Variants in MCTP1 observed in about 807,000 individuals in gnomAD.
MCTP1 encodes the protein multiple C2 and transmembrane domain containing 1, also known as multiple C2 and transmembrane domain-containing protein 1.
Under a neutral mutation model 120.6 loss-of-function variants are expected in MCTP1, and 69 were observed. The observed-to-expected ratio is 0.57, with a 90% confidence interval of 0.47 to 0.70. MCTP1 has a LOEUF of 0.70. Ranked by LOEUF, MCTP1 falls within the 30% of genes least tolerant of loss-of-function variation. MCTP1 has a pLI of 0.00. For missense variants in MCTP1, 1,203 were observed against 1,248.8 expected (o/e 0.96, Z 0.55); for synonymous variants, 529 against 493.1 (o/e 1.07, Z -0.96).
At chr5:95,203,647 A>G (rs1489270400) in intron 1 of MCTP1, among the ~76,000 whole-genome samples, 1 of 152,232 alleles carries the variant, frequency 6.6e-6, no homozygotes, top group East Asian at 1.9e-4. Context: ...ATGAATTCAT[A>G]AGTTAGTAAG....
At chr5:94,960,270 C>G (rs904079895) in intron 2 of MCTP1, among the ~76,000 whole-genome samples, 1 of 152,136 alleles carries the variant, frequency 6.6e-6, no homozygotes, top group Non-Finnish European at 1.5e-5. Flanking sequence ...AAAATTAACT[C>G]AGGATGGATG....
intron 19 of MCTP1, among the ~76,000 whole-genome samples, chr5:94,745,310 T>G (rs1358363989): frequency 6.6e-6 from 1 of 152,228 alleles, no homozygotes; most frequent in Non-Finnish European, 1.5e-5. Context: ...GAGTGTGCTC[T>G]TTGGTGCAAG....
intron 19 of MCTP1, among the ~76,000 whole-genome samples, chr5:94,750,979 G>A (rs922613323): frequency 3.3e-5 from 5 of 152,172 alleles, no homozygotes; most frequent in Non-Finnish European, 5.9e-5. Flanking sequence ...AACCTGGGCA[G>A]GATTCCTTTG....
At chr5:95,031,934 G>C (rs1840377881) in intron 1 of MCTP1, among the ~76,000 whole-genome samples, 1 of 151,998 alleles carries the variant, frequency 6.6e-6, no homozygotes, top group African/African-American at 2.4e-5. Flanking sequence ...AAAGAACTGT[G>C]GTTGCTATTC....
intron 19 of MCTP1, among the ~76,000 whole-genome samples, chr5:94,773,336 C>T (rs1243372614): frequency 6.6e-6 from 1 of 152,036 alleles, no homozygotes; most frequent in African/African-American, 2.4e-5. Context: ...GGCTGGTTTT[C>T]CTCATTTGTT....
At chr5:95,199,628 C>T (rs539339505) in intron 1 of MCTP1, among the ~76,000 whole-genome samples, 5 of 151,046 alleles carry the variant, frequency 3.3e-5, no homozygotes, top group East Asian at 2.0e-4. Flanking sequence ...GGGTTTGAGG[C>T]GGGTGGATCA....
chr5:95,271,747 A>C (rs456777), intron 1 of MCTP1, among the ~76,000 whole-genome samples: 1 of 151,252 alleles, frequency 6.6e-6, no homozygotes, highest in South Asian at 2.1e-4. Flanking sequence ...GTTATAATTA[A>C]TTACAAAACA....
intron 19 of MCTP1, among the ~76,000 whole-genome samples, chr5:94,765,946 T>G (rs1772580876): frequency 6.6e-6 from 1 of 151,834 alleles, no homozygotes; most frequent in South Asian, 2.1e-4. Context: ...TACTAACAAA[T>G]TAGAAAACCT....
rs1406133895 is a variant in MCTP1 at position 95,081,329 on chromosome 5, G to A, written c.721-63845C>T. ...TCTCAAATGCAACCTTCAATACCCC[G>A]TGAGAAGGCATTTTTCTAAGGAACA... On this transcript the variant is annotated intron_variant, in intron 1 of 22. Coordinates refer to ENST00000515393, the MANE Select transcript of MCTP1 (RefSeq NM_024717.7). 12 of 1,026,862 alleles carry A rather than the reference G, an allele frequency of 1.2e-5. No homozygotes were observed. The South Asian group carries it at 1.2e-4, about 11-fold the overall frequency. 63.6% of individuals were successfully genotyped at this position (1,026,862 alleles called of 1,614,324 possible). A position where few individuals can be genotyped will look rare whatever the true frequency, so the allele number is the denominator to read the frequency against.
chr5:95,009,383 T>C (rs1835460944), intron 2 of MCTP1, among the ~76,000 whole-genome samples: 2 of 152,118 alleles, frequency 1.3e-5, no homozygotes, highest in Admixed American at 6.6e-5. Flanking sequence ...GATTATAATA[T>C]AGATGTCTCT....
At chr5:94,925,417 T>G (rs907288868) in intron 6 of MCTP1, among the ~76,000 whole-genome samples, 2 of 148,832 alleles carry the variant, frequency 1.3e-5, no homozygotes, top group Admixed American at 6.7e-5. Flanking sequence ...TTTTTTCTGG[T>G]TTTTTTTTTG....
chr5:94,826,568 C>G, intron 17 of MCTP1: 1 of 735,916 alleles, frequency 1.4e-6, no homozygotes. Flanking sequence ...CCTTCCCTTT[C>G]AAAGCATCTT....
At chr5:95,230,207 CACACATAT>C (rs897712971) in intron 1 of MCTP1, among the ~76,000 whole-genome samples, 5 of 148,152 alleles carry the variant, frequency 3.4e-5, no homozygotes, top group African/African-American at 4.9e-5. Context: ...TATATATACA[CACACATAT>C]ACACATACAT....
chr5:94,833,758 T>C (rs1789084138), intron 17 of MCTP1, among the ~76,000 whole-genome samples: 1 of 152,104 alleles, frequency 6.6e-6, no homozygotes, highest in African/African-American at 2.4e-5. Context: ...AAAATAAAGG[T>C]TAAAAAAGTT....
At position 94,714,676 on chromosome 5, in the gene MCTP1, G is replaced by C. The variant is rs1490214345; in HGVS notation, c.2720+101C>G. ...AACTGAGCAATAGAGCACCCAGAAGGAGTGTCCCCTGCCAAAAAGAATGTG... is the reference window on the plus strand; with the variant it reads ...AACTGAGCAATAGAGCACCCAGAAGCAGTGTCCCCTGCCAAAAAGAATGTG... On this transcript the variant is annotated intron_variant, in intron 20 of 22. Coordinates refer to ENST00000515393, the MANE Select transcript of MCTP1 (RefSeq NM_024717.7). 5 of 770,402 alleles carry C rather than the reference G, an allele frequency of 6.5e-6. No homozygotes were observed. The Middle Eastern group carries it at 1.1e-3, about 176-fold the overall frequency. 47.7% of individuals were successfully genotyped at this position (770,402 alleles called of 1,614,324 possible).
chr5:95,100,155 G>A (rs1756619521), intron 1 of MCTP1, among the ~76,000 whole-genome samples: 1 of 150,702 alleles, frequency 6.6e-6, no homozygotes, highest in South Asian at 2.1e-4. Context: ...GATAGCATTG[G>A]GAGATATACC....
intron 1 of MCTP1, among the ~76,000 whole-genome samples, chr5:95,114,992 C>T (rs750528893): frequency 1.3e-5 from 2 of 152,134 alleles, no homozygotes; most frequent in African/African-American, 4.8e-5. Context: ...TTGGTAATCC[C>T]GAGAATACTT....
At chr5:94,744,924 T>C (rs1450049885) in intron 19 of MCTP1, among the ~76,000 whole-genome samples, 2 of 152,250 alleles carry the variant, frequency 1.3e-5, no homozygotes, top group African/African-American at 4.8e-5. Flanking sequence ...ATTCAAATCC[T>C]GCCCTGCCTG....
chr5:94,872,500 A>G (rs1013089564), intron 13 of MCTP1, among the ~76,000 whole-genome samples: 1 of 152,050 alleles, frequency 6.6e-6, no homozygotes, highest in East Asian at 1.9e-4. Context: ...ACTTTAAAGA[A>G]GTACTTCTGT....
Sources: allele counts gnomAD v4.1 joint callset (sites outside exome capture counted in the v4.1 genomes callset), GRCh38; gene constraint gnomAD v4.1.1; transcripts MANE v1.5; gene names NCBI Gene and HGNC (gene_info 2026-07-23, HGNC 2026-07-21).